The following ZNF343 variants were observed in gnomAD, a reference collection of about 807,000 sequenced individuals.
The protein encoded by ZNF343 is zinc finger protein 343.
A neutral mutation model predicts 13.8 loss-of-function variants in ZNF343; 11 were observed. The ratio of observed to expected loss-of-function variants is 0.80; its 90% CI spans 0.50 to 1.32. The LOEUF is 1.32. Among genes scored for constraint, ZNF343 ranks in the 40% most tolerant of loss-of-function variants. The pLI is 0.00. For missense variants in ZNF343, 658 were observed against 714.2 expected, an observed-to-expected ratio of 0.92 and a Z score of 0.90; for synonymous variants, 248 against 260.0, an observed-to-expected ratio of 0.95 and a Z score of 0.44.
At chr20:2,485,840 T>C (rs528075173) in intron 5 of ZNF343, among the ~76,000 whole-genome samples, 11 of 152,354 alleles carry the variant, frequency 7.2e-5, no homozygotes, top group Middle Eastern at 3.4e-3. Flanking sequence ...CTGAGCCGTA[T>C]GTGCTCAAAG....
intron 1 of ZNF343, among the ~76,000 whole-genome samples, chr20:2,519,250 C>T (rs2085772737): frequency 6.6e-6 from 1 of 152,170 alleles, no homozygotes; most frequent in Admixed American, 6.5e-5. Context: ...GCCACAGACT[C>T]CTTTACTACG....
At position 2,482,941 on chromosome 20, in the gene ZNF343, A is replaced by G. The variant is rs2085189817; in HGVS notation, c.*220T>C. On this transcript the variant is annotated 3_prime_UTR_variant, in exon 6 of 6. Coordinates refer to ENST00000278772, the MANE Select transcript of ZNF343 (RefSeq NM_024325.6). ...TAAGTGTGTCCTTTTGTGCATGCTC[A>G]AGGCTGACTGATGGCTACAGTTGCC... 2 of 580,480 alleles carry G rather than the reference A, an allele frequency of 3.4e-6. No individual in the cohort carries two copies. The highest frequency in any genetic ancestry group is 3.2e-5 in the Admixed American group (1 of 31,658). The allele number at this position is 580,480 out of a possible 1,614,324, so 36.0% of individuals were successfully genotyped here. A position where few individuals can be genotyped will look rare whatever the true frequency, so the allele number is the denominator to read the frequency against.
chr20:2,519,173 T>G (rs2085772417), intron 1 of ZNF343, among the ~76,000 whole-genome samples: 1 of 152,200 alleles, frequency 6.6e-6, no homozygotes. Flanking sequence ...ATACTCATTC[T>G]CTACTTACTC....
intron 1 of ZNF343, among the ~76,000 whole-genome samples, chr20:2,516,913 A>T (rs2085761875): frequency 6.6e-6 from 1 of 152,188 alleles, no homozygotes; most frequent in Admixed American, 6.5e-5. Flanking sequence ...GTTGACATTG[A>T]GGATGTCCTT....
In ZNF343 at chr20:2,495,684, C is replaced by CT. The variant is rs776678618; in HGVS notation, c.-149-1641dup. On this transcript the variant is annotated intron_variant, in intron 2 of 5. Coordinates refer to ENST00000278772, the MANE Select transcript of ZNF343 (RefSeq NM_024325.6). ...GTGCAGACTTTTTTTTTTCTTTTTT[C>CT]TTTTTTTTTTTTTTGAGACAGAGTC... 9.8e-4 allele frequency among the ~76,000 whole-genome samples: 134 copies of CT among 136,790 alleles called. 1 individual carries two copies. Among genetic ancestry groups the CT allele is most frequent in the South Asian group, 6.3e-3 (27 of 4,312 alleles). The allele number at this position is 136,790 out of a possible 152,430, so 89.7% of individuals were successfully genotyped here. A position where few individuals can be genotyped will look rare whatever the true frequency, so the allele number is the denominator to read the frequency against.
Position 2,508,452 on chromosome 20 carries a change from G to A in ZNF343, c.-237+429C>T, listed in dbSNP as rs1419255251. On this transcript the variant is annotated intron_variant, in intron 1 of 5. Coordinates refer to ENST00000278772, the MANE Select transcript of ZNF343 (RefSeq NM_024325.6). The surrounding 1 kb of genome is among the most constrained non-coding windows in gnomAD (Gnocchi z 4.5). ...CCAGCCAAAAACCACCCAGGGATGT[G>A]CGGACCTAGCCACGTCCCCACCCCA... 6.6e-6 allele frequency among the ~76,000 whole-genome samples: 1 copy of A among 152,112 alleles called. No homozygotes were observed. Among genetic ancestry groups the A allele is most frequent in the East Asian group, 1.9e-4 (1 of 5,178 alleles).
chr20:2,522,926 G>A (rs948636612), intron 1 of ZNF343, among the ~76,000 whole-genome samples: 7 of 152,216 alleles, frequency 4.6e-5, no homozygotes, highest in Non-Finnish European at 8.8e-5. Context: ...ACTCCATCTT[G>A]AATAGGGGCT....
chr20:2,513,574 G>T (rs1001663841), upstream of ZNF343, among the ~76,000 whole-genome samples: 3 of 152,194 alleles, frequency 2.0e-5, no homozygotes, highest in African/African-American at 7.2e-5. Context: ...CCGTTTGGTG[G>T]TTCCTTAATA....
At chr20:2,499,256 G>C (rs939091240) in intron 2 of ZNF343, among the ~76,000 whole-genome samples, 5 of 145,270 alleles carry the variant, frequency 3.4e-5, no homozygotes, top group Admixed American at 3.4e-4. Context: ...ACGAGGTCAG[G>C]AGATCGAGAC....
At position 2,500,734 on chromosome 20, in the gene ZNF343, A is replaced by T. The variant is rs2085548131; in HGVS notation, c.-228T>A. 6.6e-6 allele frequency: 1 copy of T among 152,170 alleles called. No individual in the cohort carries two copies. Among genetic ancestry groups the T allele is most frequent in the African/African-American group, 2.4e-5 (1 of 41,424 alleles). 9.4% of individuals were successfully genotyped at this position (152,170 alleles called of 1,614,324 possible). ...CTCTCCCAGCAGGCAGGGATTGGAGAAGGTGGACCTGAGGATGAAACAGGC... is the reference window on the plus strand; with the variant it reads ...CTCTCCCAGCAGGCAGGGATTGGAGTAGGTGGACCTGAGGATGAAACAGGC... On this transcript the variant is annotated 5_prime_UTR_variant, in exon 2 of 6. Transcript: ENST00000278772.
chr20:2,503,293 A>G (rs1259441509), intron 1 of ZNF343, among the ~76,000 whole-genome samples: 2 of 152,224 alleles, frequency 1.3e-5, no homozygotes, highest in African/African-American at 4.8e-5. Flanking sequence ...ACACAGGAGT[A>G]CCCAGATTCA....
At chr20:2,499,454 G>C (rs1470347730) in intron 2 of ZNF343, among the ~76,000 whole-genome samples, 1 of 65,342 alleles carries the variant, frequency 1.5e-5, no homozygotes, top group Non-Finnish European at 2.8e-5. Flanking sequence ...GACAGAGCGA[G>C]ACTCCGTCTC....
chr20:2,484,226 C>T lies in ZNF343; in HGVS notation c.735G>A (p.Glu245=). The T allele has an allele frequency of 6.2e-7, 1 of 1,614,248 alleles. No individual in the cohort carries two copies. ...ATTCCAGGTTATGGTCCGGTTCATACTCTCTACAGTTGATTGCTCCAAATC... is the reference window on the plus strand; with the variant it reads ...ATTCCAGGTTATGGTCCGGTTCATATTCTCTACAGTTGATTGCTCCAAATC... The part of the protein sequence containing the change: ...TLRFGAINCR[E]YEPDHNLESN... Residue 245 remains glutamate, a synonymous_variant, in exon 6 of 6, where the codon GAG becomes GAA. Coordinates refer to ENST00000278772, the MANE Select transcript of ZNF343 (RefSeq NM_024325.6).
At chr20:2,502,258 G>C (rs1012648727) in intron 1 of ZNF343, among the ~76,000 whole-genome samples, 3 of 152,134 alleles carry the variant, frequency 2.0e-5, no homozygotes, top group Non-Finnish European at 4.4e-5. Flanking sequence ...AGAGAAGTTA[G>C]AGAAAAAAGA....
Position 2,484,112 on chromosome 20 carries a change from G to GT in ZNF343, c.848_849insA (p.Leu284ProfsTer18). 2 of 1,614,220 alleles carry GT rather than the reference G, an allele frequency of 1.2e-6. No homozygotes were observed. Among genetic ancestry groups the GT allele is most frequent in the Non-Finnish European group, 1.7e-6 (2 of 1,180,048 alleles). On this transcript the variant is annotated frameshift_variant, in exon 6 of 6. Coordinates refer to ENST00000278772, the MANE Select transcript of ZNF343 (RefSeq NM_024325.6). LOFTEE classifies it low-confidence loss of function (END_TRUNC). ...AGTGTATACGATGGTGTCTGATGAG[G>GT]GTTGATCTATCTTTAAAGCTTCGCC...
At chr20:2,495,235 C>T (rs953746658) in intron 2 of ZNF343, among the ~76,000 whole-genome samples, 2 of 152,236 alleles carry the variant, frequency 1.3e-5, no homozygotes, top group Admixed American at 6.5e-5. Flanking sequence ...ACTGTCTTTA[C>T]TAAACTGTGA....
intron 1 of ZNF343, among the ~76,000 whole-genome samples, chr20:2,517,806 C>G (rs916873097): frequency 5.9e-5 from 9 of 151,864 alleles, no homozygotes; most frequent in African/African-American, 2.2e-4. Context: ...TGCCCTTGGC[C>G]TCAATTTGTT....
rs756627543 is a variant in ZNF343, at chr20:2,518,171, G to A, written c.-347+6284C>T. On this transcript the variant is annotated intron_variant, in intron 1 of 6. Coordinates refer to the ZNF343 transcript ENST00000358413. The surrounding 1 kb of genome is among the most constrained non-coding windows in gnomAD (Gnocchi z 4.6). Reference sequence around the variant, plus strand: ...TGGGATTACAGGCGCGTGCCACCACGTCTGGCTACCTTTTTGTATTTTTTT... The same window carrying A: ...TGGGATTACAGGCGCGTGCCACCACATCTGGCTACCTTTTTGTATTTTTTT... Among the ~76,000 whole-genome samples, 1 of 151,916 alleles carries A rather than the reference G, an allele frequency of 6.6e-6. No homozygotes were observed. The highest frequency in any genetic ancestry group is 1.5e-5 in the Non-Finnish European group (1 of 67,994).
chr20:2,522,431 C>T (rs1165170109), intron 1 of ZNF343, among the ~76,000 whole-genome samples: 2 of 152,182 alleles, frequency 1.3e-5, no homozygotes, highest in South Asian at 2.1e-4. Context: ...TTACCTTAGA[C>T]GTGACGCAAC....
Sources: gnomAD v4.1 joint callset for allele counts (sites outside exome capture counted in the v4.1 genomes callset) on GRCh38, gnomAD v4.1.1 for gene constraint, Gnocchi (gnomAD v3.1) non-coding constraint, MANE v1.5 for transcripts, NCBI Gene and HGNC (gene_info 2026-07-23, HGNC 2026-07-21) for gene names.